The following NDC1 variants were observed in gnomAD, a reference collection of about 807,000 sequenced individuals.
NDC1 encodes nucleoporin NDC1.
A neutral mutation model predicts 89.8 loss-of-function variants in NDC1; 24 were observed. That is an observed-to-expected ratio of 0.27 (90% confidence interval 0.19 to 0.38). The LOEUF (loss-of-function observed/expected upper bound fraction) is 0.38, where lower values mean the gene tolerates loss of function less well. Among genes scored for constraint, NDC1 ranks in the 10% least tolerant of loss-of-function variants. NDC1 has a pLI of 1.00. For missense variants in NDC1, 728 were observed against 797.6 expected, an observed-to-expected ratio of 0.91 and a Z score of 1.05; for synonymous variants, 296 against 284.8, an observed-to-expected ratio of 1.04 and a Z score of -0.39.
At chr1:53,836,194 G>A (rs1012847579) in intron 1 of NDC1, among the ~76,000 whole-genome samples, 5 of 152,116 alleles carry the variant, frequency 3.3e-5, no homozygotes, top group Non-Finnish European at 5.9e-5. Flanking sequence ...CTGGCTTTAA[G>A]GAAGATGGAG....
At position 53,789,184 on chromosome 1, in the gene NDC1, A is replaced by G; in HGVS notation, c.1648T>C (p.Ser550Pro). 6.2e-7 allele frequency: 1 copy of G among 1,609,730 alleles called. No homozygotes were observed. The highest frequency in any genetic ancestry group is 8.5e-7 in the Non-Finnish European group (1 of 1,177,302). The change falls in exon 15 of 18, where the codon TCC (serine) becomes CCC (proline). Residue 550 changes from serine (S) to proline (P), a missense_variant. Coordinates refer to ENST00000371429, the MANE Select transcript of NDC1 (RefSeq NM_018087.5). ...MYFFSKHPEA[S>P]IQAVFSDAQM... is the part of the protein sequence containing the mutation. ...GCATCTGAAAAAACAGCCTGAATGG[A>G]GGCCTCTGGGTGCTACAAATAAAAA...
chr1:53,810,604 G>A (rs1648272118), intron 6 of NDC1, among the ~76,000 whole-genome samples: 1 of 152,162 alleles, frequency 6.6e-6, no homozygotes, highest in African/African-American at 2.4e-5. Flanking sequence ...GTATGTAGTA[G>A]GTCAATACAT....
intron 9 of NDC1, among the ~76,000 whole-genome samples, chr1:53,804,715 G>A (rs1184134958): frequency 1.3e-5 from 2 of 151,898 alleles, no homozygotes; most frequent in East Asian, 3.9e-4. Context: ...GACCTCAAGT[G>A]ATCCACCTGC....
chr1:53,820,172 T>C (rs1187479924), intron 5 of NDC1, among the ~76,000 whole-genome samples: 3 of 151,798 alleles, frequency 2.0e-5, no homozygotes, highest in Non-Finnish European at 4.4e-5. Flanking sequence ...GGAGAATCAC[T>C]TGAACCCAGG....
chr1:53,773,768 G>A (rs1331943795), intron 16 of NDC1, among the ~76,000 whole-genome samples: 1 of 152,094 alleles, frequency 6.6e-6, no homozygotes, highest in African/African-American at 2.4e-5. Flanking sequence ...GAAGCCAGGT[G>A]GACACCAGGG....
chr1:53,810,017 T>TG, intron 6 of NDC1, among the ~76,000 whole-genome samples: 1 of 152,344 alleles, frequency 6.6e-6, no homozygotes, highest in South Asian at 2.1e-4. Flanking sequence ...CTAGTTACTG[T>TG]GGTATATTAA....
intron 5 of NDC1, among the ~76,000 whole-genome samples, chr1:53,824,234 G>GA (rs752108016): frequency 0.016 from 1,353 of 83,722 alleles, 16 homozygotes; most frequent in African/African-American, 0.043. Context: ...AACCTTTCTC[G>GA]AAAAAAAAAA....
chr1:53,787,727 A>C (rs889842851), intron 15 of NDC1, among the ~76,000 whole-genome samples: 1 of 151,376 alleles, frequency 6.6e-6, no homozygotes, highest in African/African-American at 2.4e-5. Flanking sequence ...AAAAACGGGC[A>C]AAAAAATTGG....
chr1:53,819,338 A>C (rs1648582160), intron 5 of NDC1, among the ~76,000 whole-genome samples: 1 of 152,240 alleles, frequency 6.6e-6, no homozygotes, highest in African/African-American at 2.4e-5. Context: ...GGTACTAAGC[A>C]CTATGCAGAT....
intron 7 of NDC1, 94 bp downstream of exon 7, chr1:53,809,601 T>G: frequency 1.1e-6 from 1 of 949,728 alleles, no homozygotes; most frequent in Non-Finnish European, 1.6e-6. Flanking sequence ...TAAAAAAATG[T>G]TAAAGGCAAA....
chr1:53,767,680 A>T lies in NDC1; in HGVS notation c.*290T>A, dbSNP rs1647077330. ...GTTTTTTAGTTATTACTATTAAGTT[A>T]TATGAGCTAGAGACATTTCGACTGC... On this transcript the variant is annotated 3_prime_UTR_variant, in exon 18 of 18. Coordinates refer to ENST00000371429, the MANE Select transcript of NDC1 (RefSeq NM_018087.5). The T allele has an allele frequency of 4.0e-6, 1 of 247,224 alleles. No homozygotes were observed. The highest frequency in any genetic ancestry group is 2.2e-5 in the African/African-American group (1 of 44,830). The allele number at this position is 247,224 out of a possible 1,614,324, so 15.3% of individuals were successfully genotyped here.
At chr1:53,803,117 G>C (rs1157966049) in intron 10 of NDC1, among the ~76,000 whole-genome samples, 1 of 152,134 alleles carries the variant, frequency 6.6e-6, no homozygotes, top group Non-Finnish European at 1.5e-5. Context: ...CCAGGCTAGA[G>C]TACAGTGGCA....
chr1:53,830,931 T>C (rs1296415503), intron 3 of NDC1, among the ~76,000 whole-genome samples: 1 of 147,336 alleles, frequency 6.8e-6, no homozygotes, highest in Non-Finnish European at 1.5e-5. Context: ...TCAAAAAAAA[T>C]AATAAATAGG....
chr1:53,825,460 A>AAAAAAAAAAAAAAAAAAAAAAAAAGAAG (rs1039370528), intron 5 of NDC1, among the ~76,000 whole-genome samples: 1 of 142,116 alleles, frequency 7.0e-6, no homozygotes, highest in African/African-American at 2.6e-5. Flanking sequence ...CTCCAAAAAA[A>AAAAAAAAAAAAAAAAAAAAAAAAAGAAG]AAGAAGCTAC....
At chr1:53,789,387 A>T (rs1647410600) in intron 14 of NDC1, among the ~76,000 whole-genome samples, 191 bp from the exon 15 acceptor site, 2 of 152,188 alleles carry the variant, frequency 1.3e-5, no homozygotes, top group African/African-American at 4.8e-5. Flanking sequence ...TCTACCATCA[A>T]CTCATTGTGT....
rs1057014655 is a variant in NDC1 at position 53,836,183 on chromosome 1, G to C, written c.58-563C>G. On this transcript the variant is annotated intron_variant, in intron 1 of 17. Coordinates refer to ENST00000371429, the MANE Select transcript of NDC1 (RefSeq NM_018087.5). ...GGTAAAACATGTCTGTTTACTGAAA[G>C]CTGGCTTTAAGGAAGATGGAGGAGT... Among the ~76,000 whole-genome samples, 3 of 152,122 alleles carry C rather than the reference G, an allele frequency of 2.0e-5. No individual in the cohort carries two copies. The East Asian group carries it at 5.8e-4, about 29-fold the overall frequency.
In NDC1 at chr1:53,775,345, C is replaced by T. The variant is rs570129904; in HGVS notation, c.1801-2856G>A. On this transcript the variant is annotated intron_variant, in intron 16 of 17. Coordinates refer to ENST00000371429, the MANE Select transcript of NDC1 (RefSeq NM_018087.5). The stretch of plus-strand genomic sequence containing the variant: ...GATCTCGGCTCACTGCAACCTCTGC[C>T]TCCAAGGTTCAAGCGATTCTCCTGC... 5.3e-5 allele frequency among the ~76,000 whole-genome samples: 8 copies of T among 149,974 alleles called. No individual in the cohort carries two copies. In the East Asian group the frequency reaches 1.6e-3, roughly 29 times the overall value.
Position 53,787,699 on chromosome 1 carries a change from G to A in NDC1, c.1700-441C>T, listed in dbSNP as rs192219498. ...TAAATAAATAAATAAATAAATAAAGGGAGGAGCAATTCAATAGAAAAACGG... is the reference window on the plus strand; with the variant it reads ...TAAATAAATAAATAAATAAATAAAGAGAGGAGCAATTCAATAGAAAAACGG... On this transcript the variant is annotated intron_variant, in intron 15 of 17. Transcript: ENST00000371429. 7.5e-3 allele frequency among the ~76,000 whole-genome samples: 1,060 copies of A among 141,532 alleles called. 5 individuals are homozygous for A. The highest frequency in any genetic ancestry group is 0.012 in the Non-Finnish European group (782 of 65,588). 92.9% of individuals were successfully genotyped at this position (141,532 alleles called of 152,430 possible).
intron 11 of NDC1, among the ~76,000 whole-genome samples, chr1:53,798,685 G>A (rs1385252934): frequency 2.6e-5 from 4 of 151,704 alleles, no homozygotes; most frequent in Non-Finnish European, 5.9e-5. Context: ...CTCCTGAGTT[G>A]CTGGGACTAT....
Sources: gnomAD v4.1 joint callset for allele counts (sites outside exome capture counted in the v4.1 genomes callset) on GRCh38, gnomAD v4.1.1 for gene constraint, MANE v1.5 for transcripts, NCBI Gene and HGNC (gene_info 2026-07-23, HGNC 2026-07-21) for gene names.